BCKDHB: variants seen among roughly 807,000 people sequenced by gnomAD.
BCKDHB encodes the protein branched chain keto acid dehydrogenase E1 subunit beta, also known as 2-oxoisovalerate dehydrogenase subunit beta, mitochondrial.
Under a neutral mutation model 48.5 loss-of-function variants are expected in BCKDHB, and 41 were observed. That is an observed-to-expected ratio of 0.85 (90% CI 0.66 to 1.10). BCKDHB has a LOEUF of 1.10. BCKDHB is among the 50% of genes least tolerant of loss of function. The probability of loss-of-function intolerance (pLI) is 0.00; values close to 1 mark genes in which losing one functional copy is unlikely to be tolerated. For synonymous variants in BCKDHB, 201 were observed against 174.8 expected (o/e 1.15, Z -1.18); for missense variants, 496 against 494.2 (o/e 1.00, Z -0.03).
intron 1 of BCKDHB, among the ~76,000 whole-genome samples, chr6:80,125,031 G>A (rs1770268845): frequency 6.6e-6 from 1 of 152,162 alleles, no homozygotes; most frequent in Admixed American, 6.5e-5. Context: ...GAAAATCCAA[G>A]ATAGCATCTT....
chr6:80,313,972 T>C (rs1370561895), intron 9 of BCKDHB, among the ~76,000 whole-genome samples: 1 of 152,198 alleles, frequency 6.6e-6, no homozygotes, highest in Non-Finnish European at 1.5e-5. Context: ...CTTTGTATCT[T>C]TGTTCTCATT....
At chr6:80,266,183 CAT>C (rs1225311445) in intron 8 of BCKDHB, among the ~76,000 whole-genome samples, 2 of 152,044 alleles carry the variant, frequency 1.3e-5, no homozygotes, top group Non-Finnish European at 2.9e-5. Flanking sequence ...AGCCAAATCA[CAT>C]GTTACAATTT....
At chr6:80,232,093 AG>A (rs1361194927) in intron 8 of BCKDHB, among the ~76,000 whole-genome samples, 1 of 152,208 alleles carries the variant, frequency 6.6e-6, no homozygotes, top group Non-Finnish European at 1.5e-5. Context: ...CTTTTGGTGT[AG>A]GTTATAATAC....
intron 1 of BCKDHB, among the ~76,000 whole-genome samples, chr6:80,110,607 G>A (rs1489736572): frequency 1.3e-5 from 2 of 152,174 alleles, no homozygotes; most frequent in East Asian, 1.9e-4. Flanking sequence ...AGGCAAAAAG[G>A]TATTGGGATT....
chr6:80,262,163 C>T (rs1777333699), intron 8 of BCKDHB, among the ~76,000 whole-genome samples: 1 of 152,264 alleles, frequency 6.6e-6, no homozygotes, highest in Admixed American at 6.5e-5. Context: ...AGAGATTAGA[C>T]AGATGAAACA....
At chr6:80,399,254 G>A in the BCKDHB span, among the ~76,000 whole-genome samples, 9 of 147,886 alleles carry the variant, frequency 6.1e-5, no homozygotes, top group African/African-American at 2.1e-4. Flanking sequence ...CCTGACCAGA[G>A]CAATCAGGCA....
In BCKDHB at chr6:80,345,249, G is replaced by A. The variant is rs1201170498; in HGVS notation, c.*1445G>A. 6.6e-6 allele frequency: 1 copy of A among 152,096 alleles called. No homozygotes were observed. The highest frequency in any genetic ancestry group is 1.9e-4 in the East Asian group (1 of 5,192). The allele number at this position is 152,096 out of a possible 1,614,324, so 9.4% of individuals were successfully genotyped here. A position where few individuals can be genotyped will look rare whatever the true frequency, so the allele number is the denominator to read the frequency against. On this transcript the variant is annotated 3_prime_UTR_variant, in exon 10 of 10. Coordinates refer to ENST00000320393, the MANE Select transcript of BCKDHB (RefSeq NM_183050.4). ...GAAATGTTTCAAAATGAGTAGATATGATTAGATCCTTTACCTTTTAATATC... is the reference window on the plus strand; with the variant it reads ...GAAATGTTTCAAAATGAGTAGATATAATTAGATCCTTTACCTTTTAATATC...
chr6:80,422,427 C>G, the BCKDHB span, among the ~76,000 whole-genome samples: 8 of 152,196 alleles, frequency 5.3e-5, no homozygotes, highest in African/African-American at 1.7e-4. Flanking sequence ...TTGGTGCACC[C>G]ACACAGAGTC....
chr6:80,294,802 A>G (rs1454012981), intron 9 of BCKDHB, among the ~76,000 whole-genome samples: 1 of 152,028 alleles, frequency 6.6e-6, no homozygotes, highest in African/African-American at 2.4e-5. Flanking sequence ...TCAAGACAAC[A>G]CATGCATCAC....
intron 3 of BCKDHB, among the ~76,000 whole-genome samples, chr6:80,145,470 C>T (rs1357480518): frequency 6.6e-6 from 1 of 152,178 alleles, no homozygotes; most frequent in Non-Finnish European, 1.5e-5. Context: ...TTGCTATGAA[C>T]ATGTAAGTTT....
At chr6:80,361,938 AT>A in the BCKDHB span, among the ~76,000 whole-genome samples, 1 of 152,102 alleles carries the variant, frequency 6.6e-6, no homozygotes, top group South Asian at 2.1e-4. Flanking sequence ...TAAAGTCCAC[AT>A]TTTATGTAGA....
chr6:80,240,117 T>A (rs1262003501), intron 8 of BCKDHB, among the ~76,000 whole-genome samples: 1 of 152,174 alleles, frequency 6.6e-6, no homozygotes, highest in East Asian at 1.9e-4. Flanking sequence ...AAGTTTAAAG[T>A]AGATTTTTTC....
chr6:80,446,719 A>AAT, the BCKDHB span, among the ~76,000 whole-genome samples: 21 of 129,640 alleles, frequency 1.6e-4, no homozygotes, highest in Non-Finnish European at 3.3e-4. Flanking sequence ...GCTTCTGGAC[A>AAT]ATTTTTTTTT....
intron 8 of BCKDHB, among the ~76,000 whole-genome samples, chr6:80,256,486 T>C (rs572412092): frequency 1.3e-5 from 2 of 152,348 alleles, no homozygotes; most frequent in East Asian, 1.9e-4. Context: ...TATAATCTTA[T>C]GAGGCTACTA....
the BCKDHB span, among the ~76,000 whole-genome samples, chr6:80,370,707 G>T: frequency 6.6e-6 from 1 of 151,840 alleles, no homozygotes; most frequent in East Asian, 1.9e-4. Context: ...TTCATTCTGG[G>T]TTGCTGTGAA....
intron 3 of BCKDHB, among the ~76,000 whole-genome samples, chr6:80,144,368 C>G (rs528205919): frequency 6.6e-6 from 1 of 152,228 alleles, no homozygotes; most frequent in African/African-American, 2.4e-5. Context: ...AACTTTTTAG[C>G]TTTTATAGTA....
chr6:80,464,874 G>T, the BCKDHB span, among the ~76,000 whole-genome samples: 1 of 152,210 alleles, frequency 6.6e-6, no homozygotes, highest in Non-Finnish European at 1.5e-5. Flanking sequence ...AGCCAAGAAA[G>T]GTGAAGCATT....
chr6:80,400,750 A>C, the BCKDHB span, among the ~76,000 whole-genome samples: 1 of 152,024 alleles, frequency 6.6e-6, no homozygotes, highest in East Asian at 1.9e-4. Context: ...TTCTACCGTA[A>C]AGACACATGC....
intron 9 of BCKDHB, among the ~76,000 whole-genome samples, chr6:80,332,525 T>C (rs1279959936): frequency 6.6e-6 from 1 of 152,064 alleles, no homozygotes; most frequent in African/African-American, 2.4e-5. Flanking sequence ...AAGTTAAGGC[T>C]AGGATAAAAC....
Sources: allele counts gnomAD v4.1 joint callset (sites outside exome capture counted in the v4.1 genomes callset), GRCh38; gene constraint gnomAD v4.1.1; transcripts MANE v1.5; gene names NCBI Gene and HGNC (gene_info 2026-07-23, HGNC 2026-07-21).